CREB5: variants seen among roughly 807,000 people sequenced by gnomAD.
CREB5 encodes cAMP responsive element binding protein 5.
CREB5 carries 19 observed loss-of-function variants against 57.1 expected under a neutral mutation model. The ratio of observed to expected loss-of-function variants is 0.33; its 90% CI spans 0.23 to 0.49. The LOEUF (loss-of-function observed/expected upper bound fraction) is 0.49. Ranked by LOEUF, CREB5 falls within the 20% of genes least tolerant of loss-of-function variation. The probability of loss-of-function intolerance (pLI) is 0.99; values close to 1 mark genes in which losing one functional copy is unlikely to be tolerated. For synonymous variants in CREB5, 238 were observed against 238.3 expected (o/e 1.00, Z 0.01); for missense variants, 579 against 671.6 (o/e 0.86, Z 1.52).
chr7:28,674,432 C>T (rs961574647), intron 5 of CREB5, among the ~76,000 whole-genome samples: 46 of 152,168 alleles, frequency 3.0e-4, no homozygotes, highest in African/African-American at 1.1e-3. Flanking sequence ...CCTGGTTTTC[C>T]TCCCAGGTCG....
intron 5 of CREB5, among the ~76,000 whole-genome samples, chr7:28,681,642 A>G (rs942779458): frequency 6.6e-6 from 1 of 152,190 alleles, no homozygotes; most frequent in Non-Finnish European, 1.5e-5. Context: ...GCTGAAGAAG[A>G]CAAGCATGAA....
upstream of CREB5, among the ~76,000 whole-genome samples, chr7:28,411,505 C>G (rs1020912525): frequency 1.8e-4 from 21 of 119,446 alleles, no homozygotes; most frequent in African/African-American, 2.6e-4. Flanking sequence ...AAATAAAGAC[C>G]CTGTGTATGA....
intron 1 of CREB5, among the ~76,000 whole-genome samples, chr7:28,472,573 G>A (rs895334534): frequency 2.1e-4 from 32 of 152,100 alleles, no homozygotes; most frequent in Admixed American, 3.3e-4. Flanking sequence ...CTTACTTTGC[G>A]GGGAAGTCTA....
chr7:28,366,931 C>T (rs1395836078), intron 1 of CREB5, among the ~76,000 whole-genome samples: 5 of 152,080 alleles, frequency 3.3e-5, no homozygotes, highest in Admixed American at 2.6e-4. Flanking sequence ...GGATGGAGAA[C>T]ATCTTTATTT....
At chr7:28,554,643 C>A (rs572032163) in intron 4 of CREB5, among the ~76,000 whole-genome samples, 2 of 152,236 alleles carry the variant, frequency 1.3e-5, no homozygotes, top group Non-Finnish European at 2.9e-5. Context: ...CTGGGCAGCA[C>A]CCATTTGGTT....
intron 1 of CREB5, among the ~76,000 whole-genome samples, chr7:28,398,479 T>C (rs1583419770): frequency 6.6e-6 from 1 of 152,160 alleles, no homozygotes; most frequent in African/African-American, 2.4e-5. Flanking sequence ...ATATGAACCT[T>C]TGCTATCCCA....
At chr7:28,815,928 A>G (rs1350184079) in intron 9 of CREB5, among the ~76,000 whole-genome samples, 1 of 152,182 alleles carries the variant, frequency 6.6e-6, no homozygotes, top group Non-Finnish European at 1.5e-5. Context: ...TCCATTGTCT[A>G]CATTATCTGC....
At chr7:28,633,269 A>T (rs1363066428) in intron 5 of CREB5, among the ~76,000 whole-genome samples, 1 of 152,204 alleles carries the variant, frequency 6.6e-6, no homozygotes, top group Non-Finnish European at 1.5e-5. Flanking sequence ...TTTTTGTTCC[A>T]AAACAAATAC....
chr7:28,709,958 C>T lies in CREB5; in HGVS notation c.465-8795C>T, dbSNP rs189967322. ...GCACAGCTTTGAGCATTCTAAAGTACGACCTTATTGCAGGGCAGGCATCCA... is the reference window on the plus strand; with the variant it reads ...GCACAGCTTTGAGCATTCTAAAGTATGACCTTATTGCAGGGCAGGCATCCA... On this transcript the variant is annotated intron_variant, in intron 5 of 10. Transcript: ENST00000357727. Among the ~76,000 whole-genome samples, 470 of 152,248 alleles carry T rather than the reference C, an allele frequency of 3.1e-3. 2 individuals are homozygous for T. The highest frequency in any genetic ancestry group is 4.8e-3 in the Non-Finnish European group (328 of 68,022).
chr7:28,428,379 G>A (rs1583450867), intron 1 of CREB5, among the ~76,000 whole-genome samples: 1 of 152,258 alleles, frequency 6.6e-6, no homozygotes, highest in East Asian at 1.9e-4. Context: ...GTGGTTGGAG[G>A]ATCGACTGTG....
At chr7:28,690,803 C>T (rs1227181261) in intron 5 of CREB5, among the ~76,000 whole-genome samples, 14 of 152,134 alleles carry the variant, frequency 9.2e-5, no homozygotes, top group African/African-American at 3.4e-4. Flanking sequence ...GCTTCTTGTC[C>T]CAGCATCACT....
intron 4 of CREB5, among the ~76,000 whole-genome samples, chr7:28,564,386 A>C (rs965315270): frequency 2.0e-5 from 3 of 152,192 alleles, no homozygotes; most frequent in African/African-American, 7.2e-5. Context: ...CATTCCCTTC[A>C]TCCTTCATTA....
At chr7:28,524,314 TA>T (rs1334554083) in intron 4 of CREB5, among the ~76,000 whole-genome samples, 1 of 79,894 alleles carries the variant, frequency 1.3e-5, no homozygotes, top group Non-Finnish European at 2.6e-5. Context: ...TCGCCTCTAC[TA>T]AACACACACA....
chr7:28,340,139 C>T (rs1489207519), intron 1 of CREB5, among the ~76,000 whole-genome samples: 5 of 152,256 alleles, frequency 3.3e-5, no homozygotes, highest in Middle Eastern at 3.4e-3. Context: ...CCACTGTGGC[C>T]AAACTCGTAC....
chr7:28,793,065 G>A (rs1807821490), intron 7 of CREB5, among the ~76,000 whole-genome samples: 1 of 152,256 alleles, frequency 6.6e-6, no homozygotes, highest in South Asian at 2.1e-4. Flanking sequence ...AAGAATCAGA[G>A]AGTATTGCAA....
chr7:28,357,981 G>A (rs1786380704), intron 1 of CREB5, among the ~76,000 whole-genome samples: 1 of 152,178 alleles, frequency 6.6e-6, no homozygotes, highest in African/African-American at 2.4e-5. Flanking sequence ...ATTGATAGCA[G>A]AGGAAGAGGC....
At chr7:28,766,560 T>C (rs1279569024) in intron 7 of CREB5, among the ~76,000 whole-genome samples, 1 of 152,224 alleles carries the variant, frequency 6.6e-6, no homozygotes, top group African/African-American at 2.4e-5. Context: ...TGCCTTGTAA[T>C]TGTTGTCCAG....
chr7:28,739,977 G>A (rs993657896), intron 7 of CREB5, among the ~76,000 whole-genome samples: 5 of 152,106 alleles, frequency 3.3e-5, no homozygotes, highest in East Asian at 1.9e-4. Flanking sequence ...CAACTTACAC[G>A]GAATAGTCTC....
At position 28,642,898 on chromosome 7, in the gene CREB5, G is replaced by T. The variant is rs572003126; in HGVS notation, c.464+72361G>T. Reference sequence around the variant, plus strand: ...AGCATGCTAAACCTTGGCCCAGAGTGTATACAGATCTGTTTAAGATATGCC... The same window carrying T: ...AGCATGCTAAACCTTGGCCCAGAGTTTATACAGATCTGTTTAAGATATGCC... On this transcript the variant is annotated intron_variant, in intron 5 of 10. Coordinates refer to ENST00000357727, the MANE Select transcript of CREB5 (RefSeq NM_182898.4). 8.0e-5 allele frequency among the ~76,000 whole-genome samples: 12 copies of T among 150,808 alleles called. No individual in the cohort carries two copies. In the East Asian group the frequency reaches 2.4e-3, roughly 30 times the overall value.
Sources: allele counts gnomAD v4.1 joint callset (sites outside exome capture counted in the v4.1 genomes callset), GRCh38; gene constraint gnomAD v4.1.1; transcripts MANE v1.5; gene names NCBI Gene and HGNC (gene_info 2026-07-23, HGNC 2026-07-21).